The following MCRS1 variants were observed in gnomAD, a reference collection of about 807,000 sequenced individuals.
MCRS1 encodes the protein microspherule protein 1, also known as 58 kDa microspherule protein.
In MCRS1, 22 loss-of-function variants were observed where a neutral mutation model predicts 62.9. The ratio of observed to expected loss-of-function variants is 0.35; its 90% confidence interval spans 0.25 to 0.50. The LOEUF (loss-of-function observed/expected upper bound fraction) is 0.50. Among genes scored for constraint, MCRS1 ranks in the 20% least tolerant of loss-of-function variants. The pLI is 0.98. For synonymous variants in MCRS1, 244 were observed against 233.5 expected (o/e 1.04, Z -0.41); for missense variants, 456 against 601.1 (o/e 0.76, Z 2.52).
chr12:49,564,533 G>C lies in MCRS1; in HGVS notation c.505C>G (p.Arg169Gly), dbSNP rs544187030. ...GCGTACCAACGCTCCTGGACCTCCC[G>C]AAGGGTGAAGCGGCAGCTGAATTTC... ...GVKFSCRFTL[R>G]EVQERWYALL... Residue 169 changes from arginine to glycine, a missense_variant, in exon 6 of 15, where the codon CGG becomes GGG. Coordinates refer to ENST00000343810, the MANE Select transcript of MCRS1 (RefSeq NM_006337.5). 1 of 1,613,226 alleles carries C rather than the reference G, an allele frequency of 6.2e-7. No individual in the cohort carries two copies. The highest frequency in any genetic ancestry group is 1.3e-5 in the African/African-American group (1 of 75,024).
Position 49,565,569 on chromosome 12 carries a change from C to T in MCRS1, c.248G>A (p.Arg83His), listed in dbSNP as rs1280379106. The change falls in exon 4 of 15, where the codon CGC (arginine) becomes CAC (histidine). Residue 83 changes from arginine to histidine, a missense_variant. Transcript: ENST00000343810. The stretch of plus-strand genomic sequence containing the variant: ...GGAGGAGGGTTCACTCCCCGAACAG[C>T]GCCCTGGTTCCACCCCACTGGCCCC... ...AKGASGVEPG[R>H]CSGSEPSSSE... is the part of the protein sequence containing the mutation. The T allele has an allele frequency of 4.3e-6, 7 of 1,610,028 alleles. No individual in the cohort carries two copies. The highest frequency in any genetic ancestry group is 5.1e-6 in the Non-Finnish European group (6 of 1,178,004).
In MCRS1 at chr12:49,559,690, T is replaced by C. The variant is rs1247261409; in HGVS notation, c.1003+39A>G. The stretch of plus-strand genomic sequence containing the variant: ...CAGGGGCACAGGCTGGGGCGAAGGA[T>C]GCTGAAGAGTGAGCCTTCTGGTGCC... On this transcript the variant is annotated intron_variant, in intron 11 of 14. Coordinates refer to ENST00000343810, the MANE Select transcript of MCRS1 (RefSeq NM_006337.5). The surrounding 1 kb of genome is among the most constrained non-coding windows in gnomAD (Gnocchi z 5.2). The C allele has an allele frequency of 1.2e-6, 2 of 1,611,094 alleles. No individual in the cohort carries two copies. The highest frequency in any genetic ancestry group is 1.7e-6 in the Non-Finnish European group (2 of 1,177,810).
chr12:49,566,411 TG>T (rs1010391448), intron 2 of MCRS1, 196 bp from the exon 3 acceptor site: 2 of 1,577,568 alleles, frequency 1.3e-6, no homozygotes, highest in Non-Finnish European at 1.7e-6. Flanking sequence ...CCTTCCACGC[TG>T]GGCAGTTCCC....
intron 3 of MCRS1, 87 bp downstream of exon 3, chr12:49,565,990 A>G (rs1312957279): frequency 6.2e-5 from 94 of 1,526,818 alleles, no homozygotes; most frequent in Middle Eastern, 3.5e-4. Context: ...TCAGGCAGCC[A>G]TTCCCAACAG....
chr12:49,566,009 G>A (rs1939037111), intron 3 of MCRS1, 68 bp downstream of exon 3: 2 of 1,555,384 alleles, frequency 1.3e-6, no homozygotes, highest in East Asian at 2.3e-5. Context: ...AGATGGGGAG[G>A]CATGTGGCAC....
intron 7 of MCRS1, 78 bp from the exon 8 acceptor site, chr12:49,563,217 C>T (rs1190548032): frequency 7.2e-6 from 11 of 1,527,986 alleles, no homozygotes; most frequent in Non-Finnish European, 9.7e-6. Flanking sequence ...CTACCTCCCA[C>T]CTCAGCATCC....
In MCRS1 at chr12:49,564,874, G is replaced by A; in HGVS notation, c.310C>T (p.Pro104Ser). ...KKKVSKAPSTPVPPSPAPAPG... is the reference protein window; with the variant it reads ...KKKVSKAPSTSVPPSPAPAPG... ...GCTGGGGCTGGGCTGGGTGGCACAG[G>A]AGTGCTGGGGGCTTTGGATACCTGG... is the stretch of plus-strand genomic sequence containing the variant. The change falls in exon 5 of 15, where the codon CCT (proline) becomes TCT (serine). Residue 104 changes from proline to serine, a missense_variant. Physicochemically the swap from Pro to Ser is moderately conservative, Grantham distance 74. Around this residue, in one of 3 missense-constraint regions of MCRS1, gnomAD observed 393 missense variants for 523.5 expected, o/e 0.75. Coordinates refer to ENST00000343810, the MANE Select transcript of MCRS1 (RefSeq NM_006337.5). The A allele has an allele frequency of 6.2e-7, 1 of 1,605,864 alleles. No individual in the cohort carries two copies.
rs768134075 is a variant in MCRS1, at chr12:49,564,731, C to T, written c.447+6G>A. On this transcript the variant is annotated splice_donor_region_variant and intron_variant, in intron 5 of 14. Coordinates refer to ENST00000343810, the MANE Select transcript of MCRS1 (RefSeq NM_006337.5). The stretch of plus-strand genomic sequence containing the variant: ...GGGCACACTGAGCCTATGGTGGGGG[C>T]ACTACCTGCAACACAGCATTTATGA... 5.0e-6 allele frequency: 8 copies of T among 1,607,480 alleles called. No homozygotes were observed. The highest frequency in any genetic ancestry group is 2.6e-6 in the Non-Finnish European group (3 of 1,175,902).
chr12:49,559,482 T>C lies in MCRS1; in HGVS notation c.1057A>G (p.Met353Val). 3 of 1,613,310 alleles carry C rather than the reference T, an allele frequency of 1.9e-6. No individual in the cohort carries two copies. The highest frequency in any genetic ancestry group is 1.1e-5 in the South Asian group (1 of 91,080). The part of the protein sequence containing the change: ...NQTLAVLRGR[M>V]VRYLMRSREI... ...CGCGAGCGCATCAGGTACCGCACCA[T>C]GCGGCCCCGCAGCACTGCCAGTGTC... Residue 353 changes from methionine (M) to valine (V), a missense_variant, in exon 12 of 15, where the codon ATG becomes GTG. Physicochemically the swap from Met to Val is conservative, Grantham distance 21. Around this residue, in one of 3 missense-constraint regions of MCRS1, gnomAD observed 393 missense variants for 523.5 expected, o/e 0.75. Transcript: ENST00000343810. The surrounding 1 kb of genome is among the most constrained non-coding windows in gnomAD (Gnocchi z 5.2).
At chr12:49,565,082 G>C in intron 4 of MCRS1, 187 bp from the exon 5 acceptor site, 1 of 985,428 alleles carries the variant, frequency 1.0e-6, no homozygotes, top group Non-Finnish European at 1.2e-6. Context: ...ATCCCACCAA[G>C]TTACTTCTAT....
rs1592521892 is a variant in MCRS1 at position 49,560,504 on chromosome 12, C to A, written c.806-134G>T. ...CCAGCACCAGCAAGGGTGCCCATAC[C>A]AGATTAGGCTGGGCTCTAATTTGGC... On this transcript the variant is annotated intron_variant, in intron 8 of 14. Coordinates refer to ENST00000343810, the MANE Select transcript of MCRS1 (RefSeq NM_006337.5). The A allele has an allele frequency of 1.6e-5, 12 of 752,906 alleles. No homozygotes were observed. The East Asian group carries it at 3.0e-4, about 19-fold the overall frequency. 46.6% of individuals were successfully genotyped at this position (752,906 alleles called of 1,614,324 possible). A position where few individuals can be genotyped will look rare whatever the true frequency, so the allele number is the denominator to read the frequency against.
At chr12:49,562,271 G>A (rs532669296) in intron 8 of MCRS1, among the ~76,000 whole-genome samples, 16 of 152,380 alleles carry the variant, frequency 1.1e-4, no homozygotes, top group Non-Finnish European at 1.9e-4. Context: ...CTTTTAGAAA[G>A]TGAGAACGTG....
Position 49,559,008 on chromosome 12 carries a change from G to T in MCRS1, c.1175-38C>A. 1 of 1,600,072 alleles carries T rather than the reference G, an allele frequency of 6.2e-7. No individual in the cohort carries two copies. Among genetic ancestry groups the T allele is most frequent in the South Asian group, 1.1e-5 (1 of 90,762 alleles). ...AAAGAAAGAAGGGATGATGGGATGG[G>T]GAGGGATTGATGGGATGGGGAAAGG... On this transcript the variant is annotated intron_variant, in intron 13 of 14. Coordinates refer to ENST00000343810, the MANE Select transcript of MCRS1 (RefSeq NM_006337.5). The surrounding 1 kb of genome is among the most constrained non-coding windows in gnomAD (Gnocchi z 5.2).
intron 4 of MCRS1, 24 bp downstream of exon 4, chr12:49,565,505 C>T: frequency 6.4e-7 from 1 of 1,560,618 alleles, no homozygotes; most frequent in African/African-American, 1.4e-5. Flanking sequence ...TACCTCCCAT[C>T]CCCTAAGTCT....
At chr12:49,564,977 T>C in intron 4 of MCRS1, 82 bp from the exon 5 acceptor site, 1 of 1,484,310 alleles carries the variant, frequency 6.7e-7, no homozygotes, top group Non-Finnish European at 9.0e-7. Flanking sequence ...TCACATACTC[T>C]GTGGCAGCGG....
chr12:49,565,768 T>A, intron 3 of MCRS1, 101 bp from the exon 4 acceptor site: 1 of 1,536,294 alleles, frequency 6.5e-7, no homozygotes, highest in Non-Finnish European at 9.0e-7. Context: ...TAGGGTGCTA[T>A]CTGCTCCAGC....
chr12:49,567,075 A>G (rs538249719), intron 1 of MCRS1, among the ~76,000 whole-genome samples: 1 of 152,326 alleles, frequency 6.6e-6, no homozygotes, highest in South Asian at 2.1e-4. Context: ...GTGCAAACAC[A>G]TACTATTTTA....
intron 3 of MCRS1, 140 bp from the exon 4 acceptor site, chr12:49,565,807 T>TCA (rs56745197): frequency 0.12 from 162,105 of 1,298,474 alleles, 14,285 homozygotes; most frequent in African/African-American, 0.45. Flanking sequence ...ACAGCCTGGT[T>TCA]GTGGCCATGG....
intron 4 of MCRS1, 197 bp from the exon 5 acceptor site, chr12:49,565,092 T>C (rs1375379781): frequency 8.7e-5 from 86 of 985,326 alleles, no homozygotes; most frequent in Non-Finnish European, 1.0e-4. Context: ...GTTACTTCTA[T>C]ATAGTCCTTG....
Sources: gnomAD v4.1 joint callset for allele counts (sites outside exome capture counted in the v4.1 genomes callset) on GRCh38, gnomAD v4.1.1 for gene constraint, gnomAD v4.1.1 regional missense constraint, Gnocchi (gnomAD v3.1) non-coding constraint, MANE v1.5 for transcripts, NCBI Gene and HGNC (gene_info 2026-07-23, HGNC 2026-07-21) for gene names.